Variants in SEC31B observed in about 807,000 individuals in gnomAD.
The protein encoded by SEC31B is protein transport protein Sec31B.
Under a neutral mutation model 135.0 loss-of-function variants are expected in SEC31B, and 113 were observed. The observed-to-expected ratio is 0.84, with a 90% CI of 0.72 to 0.98. The LOEUF (loss-of-function observed/expected upper bound fraction) is 0.98, where lower values mean the gene tolerates loss of function less well. Among genes scored for constraint, SEC31B ranks in the 50% least tolerant of loss-of-function variants. SEC31B has a pLI of 0.00. For missense variants in SEC31B, 1,296 were observed against 1,421.1 expected, an observed-to-expected ratio of 0.91 and a Z score of 1.42; for synonymous variants, 508 against 549.4, an observed-to-expected ratio of 0.92 and a Z score of 1.05.
rs1177880648 is a variant in SEC31B, at chr10:100,490,192, A to G, written c.2781T>C (p.Ser927=). Reference sequence around the variant, plus strand: ...GTCTAGGAGTCTCAGGCAGGGAGGTAGAGCCAGGTCGCATGATGCCTGGGC... The same window carrying G: ...GTCTAGGAGTCTCAGGCAGGGAGGTGGAGCCAGGTCGCATGATGCCTGGGC... ...MACPGIMRPG[S]TSLPETPRLF... Residue 927 remains serine (S), a synonymous_variant, in exon 21 of 26, where the codon TCT becomes TCC. Coordinates refer to ENST00000370345, the MANE Select transcript of SEC31B (RefSeq NM_015490.4). 1.2e-6 allele frequency: 2 copies of G among 1,609,660 alleles called. No individual in the cohort carries two copies. The highest frequency in any genetic ancestry group is 1.7e-5 in the Admixed American group (1 of 59,342).
At chr10:100,505,242 TGGGAA>T (rs1851603479) in intron 10 of SEC31B, 114 bp downstream of exon 10, 3 of 1,279,402 alleles carry the variant, frequency 2.3e-6, no homozygotes, top group Non-Finnish European at 3.2e-6. Flanking sequence ...ACAGAGGCAG[TGGGAA>T]TACGTCTGCT....
intron 12 of SEC31B, 55 bp downstream of exon 12, chr10:100,499,469 A>G: frequency 1.4e-6 from 2 of 1,440,574 alleles, no homozygotes; most frequent in South Asian, 2.4e-5. Context: ...TACTCTGGCA[A>G]CATTCTCTTC....
intron 10 of SEC31B, among the ~76,000 whole-genome samples, chr10:100,503,744 T>TA (rs1851572673): frequency 6.6e-6 from 1 of 151,680 alleles, no homozygotes; most frequent in South Asian, 2.1e-4. Context: ...CCGACAACTT[T>TA]TTTTTTTTTT....
chr10:100,503,125 C>T (rs935763720), intron 10 of SEC31B, among the ~76,000 whole-genome samples: 1 of 152,178 alleles, frequency 6.6e-6, no homozygotes, highest in Admixed American at 6.5e-5. Flanking sequence ...ATTATAATTG[C>T]TCCACATCCC....
chr10:100,514,377 C>T (rs1201875450), intron 3 of SEC31B, among the ~76,000 whole-genome samples: 2 of 152,036 alleles, frequency 1.3e-5, no homozygotes, highest in African/African-American at 4.8e-5. Flanking sequence ...TTCCTATTAG[C>T]TTTCTCAGGT....
In SEC31B at chr10:100,505,357, T is replaced by G; in HGVS notation, c.1179+4A>C. Reference sequence around the variant, plus strand: ...ACACACACCTATACATCCACTACACTTACAGCAAATGAAACACCTGTTGGT... The same window carrying G: ...ACACACACCTATACATCCACTACACGTACAGCAAATGAAACACCTGTTGGT... On this transcript the variant is annotated splice_donor_region_variant and intron_variant, in intron 10 of 25. Coordinates refer to ENST00000370345, the MANE Select transcript of SEC31B (RefSeq NM_015490.4). 1.2e-6 allele frequency: 2 copies of G among 1,612,318 alleles called. No individual in the cohort carries two copies. Among genetic ancestry groups the G allele is most frequent in the Non-Finnish European group, 1.7e-6 (2 of 1,179,280 alleles).
chr10:100,497,487 C>G (rs554413975), intron 16 of SEC31B, 180 bp downstream of exon 16: 134 of 1,478,006 alleles, frequency 9.1e-5, no homozygotes, highest in Non-Finnish European at 1.2e-4. Flanking sequence ...CAAAGGATCC[C>G]CTCTGAAAAT....
Position 100,489,402 on chromosome 10 carries a change from A to C in SEC31B, c.3025-4T>G. ...GGGGCATAAATGTCTCTGGCAGCTAAAGAGACAGAAGGAAAGACATGAGTC... is the reference window on the plus strand; with the variant it reads ...GGGGCATAAATGTCTCTGGCAGCTACAGAGACAGAAGGAAAGACATGAGTC... On this transcript the variant is annotated splice_region_variant and splice_polypyrimidine_tract_variant and intron_variant, in intron 22 of 25. Transcript: ENST00000370345. The C allele has an allele frequency of 6.2e-7, 1 of 1,613,376 alleles. No homozygotes were observed. Among genetic ancestry groups the C allele is most frequent in the South Asian group, 1.1e-5 (1 of 90,906 alleles).
At chr10:100,508,823 ACCCT>A in intron 5 of SEC31B, 180 bp downstream of exon 5, 1 of 605,734 alleles carries the variant, frequency 1.7e-6, no homozygotes, top group South Asian at 2.0e-5. Context: ...CCCCATATAC[ACCCT>A]CCACCCACCA....
intron 4 of SEC31B, 90 bp downstream of exon 4, chr10:100,509,226 G>C: frequency 6.6e-7 from 1 of 1,504,048 alleles, no homozygotes; most frequent in Non-Finnish European, 9.2e-7. Context: ...AAAGGGGTCA[G>C]AGTTACAGAC....
At position 100,518,955 on chromosome 10, in the gene SEC31B, T is replaced by C. The variant is rs1358788920; in HGVS notation, c.-46+827A>G. The stretch of plus-strand genomic sequence containing the variant: ...CCTGCTGGTCACAGCCATTTTAATG[T>C]TTCTGGGAAAAGATTCCCTAACAAC... On this transcript the variant is annotated intron_variant, in intron 1 of 25. Coordinates refer to ENST00000370345, the MANE Select transcript of SEC31B (RefSeq NM_015490.4). Among the ~76,000 whole-genome samples, 5 of 152,218 alleles carry C rather than the reference T, an allele frequency of 3.3e-5. No individual in the cohort carries two copies. In the East Asian group the frequency reaches 7.7e-4, roughly 23 times the overall value.
intron 18 of SEC31B, among the ~76,000 whole-genome samples, chr10:100,495,825 AC>A (rs1291641319): frequency 5.9e-5 from 9 of 152,054 alleles, no homozygotes; most frequent in Non-Finnish European, 1.3e-4. Flanking sequence ...CTGTATTCTG[AC>A]CCTTGGACAC....
At position 100,489,831 on chromosome 10, in the gene SEC31B, T is replaced by C. The variant is rs181869705; in HGVS notation, c.2966-70A>G. On this transcript the variant is annotated intron_variant, in intron 21 of 25. Transcript: ENST00000370345. ...CACTGGAAGTTTTTTATCTGAAGGC[T>C]GGAAGCATTCTTTGAGTTGGAGTTC... is the stretch of plus-strand genomic sequence containing the variant. 3,326 of 1,608,328 alleles carry C rather than the reference T, an allele frequency of 2.1e-3. 7 individuals are homozygous for C. The highest frequency in any genetic ancestry group is 0.015 in the Middle Eastern group (92 of 6,042).
In SEC31B at chr10:100,498,951, T is replaced by G. The variant is rs915249103; in HGVS notation, c.1585-147A>C. 1.4e-5 allele frequency: 10 copies of G among 706,486 alleles called. No homozygotes were observed. In the African/African-American group the frequency reaches 1.8e-4, roughly 13 times the overall value. The allele number at this position is 706,486 out of a possible 1,614,324, so 43.8% of individuals were successfully genotyped here. On this transcript the variant is annotated intron_variant, in intron 13 of 25. Transcript: ENST00000370345. The stretch of plus-strand genomic sequence containing the variant: ...AGGTAAGGTTTGGGGAGGGCCATAG[T>G]TCATGGTTAAGACACAGCTCTCCAC...
intron 10 of SEC31B, among the ~76,000 whole-genome samples, chr10:100,503,434 CTTT>C (rs113897653): frequency 7.0e-6 from 1 of 142,394 alleles, no homozygotes. Context: ...AGGCTGACAA[CTTT>C]TTTTTTTTTT....
Position 100,487,279 on chromosome 10 carries a change from T to G in SEC31B, c.*337A>C. The G allele has an allele frequency of 3.5e-6, 1 of 282,880 alleles. No homozygotes were observed. Among genetic ancestry groups the G allele is most frequent in the South Asian group, 4.2e-5 (1 of 23,922 alleles). 17.5% of individuals were successfully genotyped at this position (282,880 alleles called of 1,614,324 possible). A position where few individuals can be genotyped will look rare whatever the true frequency, so the allele number is the denominator to read the frequency against. ...GGTAGGCTTAAAAGTAACAATCCTGTTCACCCTCTCAGAAGCCACTTAAAT... is the reference window on the plus strand; with the variant it reads ...GGTAGGCTTAAAAGTAACAATCCTGGTCACCCTCTCAGAAGCCACTTAAAT... On this transcript the variant is annotated 3_prime_UTR_variant, in exon 26 of 26. Coordinates refer to ENST00000370345, the MANE Select transcript of SEC31B (RefSeq NM_015490.4).
intron 3 of SEC31B, among the ~76,000 whole-genome samples, chr10:100,513,570 A>G (rs766242801): frequency 6.6e-5 from 10 of 151,900 alleles, no homozygotes; most frequent in African/African-American, 9.7e-5. Context: ...CCCACGTGCA[A>G]GCGATTCTGG....
At chr10:100,508,609 C>A (rs1250638415) in intron 5 of SEC31B, 5 of 426,888 alleles carry the variant, frequency 1.2e-5, no homozygotes, top group Non-Finnish European at 2.3e-5. Context: ...CAAAGCTGAC[C>A]CCCCCCTCCA....
chr10:100,497,798 A>C lies in SEC31B; in HGVS notation c.1864-5T>G, dbSNP rs974511263. 3.7e-6 allele frequency: 6 copies of C among 1,614,130 alleles called. No individual in the cohort carries two copies. The Admixed American group carries it at 8.3e-5, about 22-fold the overall frequency. ...TTGCACAACACAGGCTAGAAGCTGT[A>C]ATGGGCAGAGAGGGAAAGAGACCAT... is the stretch of plus-strand genomic sequence containing the variant. On this transcript the variant is annotated splice_region_variant and splice_polypyrimidine_tract_variant and intron_variant, in intron 15 of 25. Coordinates refer to ENST00000370345, the MANE Select transcript of SEC31B (RefSeq NM_015490.4).
Sources: gnomAD v4.1 joint callset for allele counts (sites outside exome capture counted in the v4.1 genomes callset) on GRCh38, gnomAD v4.1.1 for gene constraint, MANE v1.5 for transcripts, NCBI Gene and HGNC (gene_info 2026-07-23, HGNC 2026-07-21) for gene names.